RPS6KA5: variants seen among roughly 807,000 people sequenced by gnomAD.
RPS6KA5 encodes the protein ribosomal protein S6 kinase alpha-5.
In RPS6KA5, 27 loss-of-function variants were observed where a neutral mutation model predicts 85.5. That is an observed-to-expected ratio of 0.32 (90% confidence interval 0.23 to 0.44). The LOEUF (loss-of-function observed/expected upper bound fraction) is 0.44. Among genes scored for constraint, RPS6KA5 ranks in the 20% least tolerant of loss-of-function variants. The probability of loss-of-function intolerance (pLI) is 1.00; values close to 1 mark genes in which losing one functional copy is unlikely to be tolerated. For missense variants in RPS6KA5, 811 were observed against 980.9 expected (o/e 0.83, Z 2.31); for synonymous variants, 334 against 348.2 (o/e 0.96, Z 0.46).
chr14:90,921,803 A>G (rs1376023183), intron 6 of RPS6KA5, among the ~76,000 whole-genome samples: 4 of 152,218 alleles, frequency 2.6e-5, no homozygotes, highest in Admixed American at 6.5e-5. Context: ...TCTGAACTGC[A>G]TATGTGGGAC....
intron 1 of RPS6KA5, among the ~76,000 whole-genome samples, chr14:91,058,070 G>GGACCATATCA (rs2043396785): frequency 6.6e-6 from 1 of 152,160 alleles, no homozygotes; most frequent in African/African-American, 2.4e-5. Context: ...TTCTGAGACG[G>GGACCATATCA]GACCATATCA....
Position 90,875,181 on chromosome 14 carries a change from A to C in RPS6KA5, c.1996+20T>G. On this transcript the variant is annotated intron_variant, in intron 15 of 16. Coordinates refer to ENST00000614987, the MANE Select transcript of RPS6KA5 (RefSeq NM_004755.4). Reference sequence around the variant, plus strand: ...ATCACTACACATCATATAAAATGTAAAATTTCATTAGATTCTTACCTTGGA... The same window carrying C: ...ATCACTACACATCATATAAAATGTACAATTTCATTAGATTCTTACCTTGGA... 1 of 1,603,914 alleles carries C rather than the reference A, an allele frequency of 6.2e-7. No homozygotes were observed. The highest frequency in any genetic ancestry group is 1.1e-5 in the South Asian group (1 of 90,032).
At chr14:90,996,875 T>C (rs2040546470) in intron 2 of RPS6KA5, among the ~76,000 whole-genome samples, 1 of 152,210 alleles carries the variant, frequency 6.6e-6, no homozygotes, top group Non-Finnish European at 1.5e-5. Context: ...CAAAAATATT[T>C]GAGAAACTGC....
rs1215157122 is a variant in RPS6KA5, at chr14:90,863,327, A to G, written c.*8747T>C. 1 of 140,200 alleles carries G rather than the reference A, an allele frequency of 7.1e-6. No individual in the cohort carries two copies. Among genetic ancestry groups the G allele is most frequent in the Non-Finnish European group, 1.5e-5 (1 of 66,454 alleles). The allele number at this position is 140,200 out of a possible 1,614,324, so 8.7% of individuals were successfully genotyped here. On this transcript the variant is annotated 3_prime_UTR_variant, in exon 17 of 17. Coordinates refer to ENST00000614987, the MANE Select transcript of RPS6KA5 (RefSeq NM_004755.4). ...CAAAAAAAAAAAAAAAAAAAAAAAA[A>G]AAAGAAAAGAAAAGAAAAAAATATA... is the stretch of plus-strand genomic sequence containing the variant.
At chr14:90,952,702 T>C (rs559613473) in intron 3 of RPS6KA5, among the ~76,000 whole-genome samples, 42 of 152,378 alleles carry the variant, frequency 2.8e-4, no homozygotes, top group East Asian at 5.8e-4. Context: ...TGCAGTGCGA[T>C]TGGAATACTT....
chr14:90,877,232 C>A (rs565248590), intron 14 of RPS6KA5, among the ~76,000 whole-genome samples: 1 of 152,282 alleles, frequency 6.6e-6, no homozygotes, highest in South Asian at 2.1e-4. Context: ...AAATAGAAGA[C>A]ACGGAGAAGG....
At chr14:91,019,523 C>T (rs545001543) in intron 1 of RPS6KA5, among the ~76,000 whole-genome samples, 1 of 152,314 alleles carries the variant, frequency 6.6e-6, no homozygotes, top group East Asian at 1.9e-4. Flanking sequence ...TGCCTGGCCA[C>T]CATGCAGAGT....
intron 2 of RPS6KA5, 138 bp from the exon 3 acceptor site, chr14:90,978,662 T>C: frequency 4.9e-6 from 3 of 609,488 alleles, no homozygotes; most frequent in Non-Finnish European, 8.3e-6. Context: ...GTTCAAATAG[T>C]TATTTGATAG....
chr14:90,882,666 T>A (rs1349861767), intron 14 of RPS6KA5, among the ~76,000 whole-genome samples: 1 of 152,144 alleles, frequency 6.6e-6, no homozygotes, highest in Admixed American at 6.6e-5. Context: ...GGATTCTTGG[T>A]TGACAGTTTT....
At chr14:91,052,765 C>G (rs1411211199) in intron 1 of RPS6KA5, among the ~76,000 whole-genome samples, 1 of 146,740 alleles carries the variant, frequency 6.8e-6, no homozygotes, top group African/African-American at 2.5e-5. Context: ...ACCCAGGAGG[C>G]AGAGCTGGCA....
At chr14:90,978,926 T>C (rs1286078) in intron 2 of RPS6KA5, among the ~76,000 whole-genome samples, 31,638 of 152,098 alleles carry the variant, frequency 0.21, 3,513 homozygotes, top group East Asian at 0.32. Flanking sequence ...ATGAAGGCAG[T>C]TCTTAATAAG....
At chr14:91,042,941 T>C (rs1806398649) in intron 1 of RPS6KA5, among the ~76,000 whole-genome samples, 2 of 152,148 alleles carry the variant, frequency 1.3e-5, no homozygotes, top group South Asian at 4.1e-4. Flanking sequence ...CATATAGCTC[T>C]CTGGCTAAGT....
At chr14:90,973,598 G>A (rs542408692) in intron 3 of RPS6KA5, among the ~76,000 whole-genome samples, 1 of 151,850 alleles carries the variant, frequency 6.6e-6, no homozygotes, top group African/African-American at 2.4e-5. Context: ...AATAACCCAA[G>A]GATCCCTTCA....
At chr14:91,054,120 G>A (rs2139962328) in intron 1 of RPS6KA5, among the ~76,000 whole-genome samples, 1 of 152,202 alleles carries the variant, frequency 6.6e-6, no homozygotes, top group South Asian at 2.1e-4. Context: ...TAATGGTGCT[G>A]GAACAATTGG....
At chr14:91,003,024 A>C (rs1284525154) in intron 1 of RPS6KA5, among the ~76,000 whole-genome samples, 1 of 152,218 alleles carries the variant, frequency 6.6e-6, no homozygotes, top group African/African-American at 2.4e-5. Context: ...GATTTTATAA[A>C]AAGCCAAACT....
intron 5 of RPS6KA5, 36 bp downstream of exon 5, chr14:90,943,042 G>T: frequency 8.8e-7 from 1 of 1,133,184 alleles, no homozygotes; most frequent in Non-Finnish European, 1.3e-6. Context: ...TTGTTTACAT[G>T]CTGTTATTAC....
intron 8 of RPS6KA5, among the ~76,000 whole-genome samples, chr14:90,903,397 TA>T (rs1421499163): frequency 7.2e-5 from 11 of 152,366 alleles, no homozygotes; most frequent in Admixed American, 1.3e-4. Flanking sequence ...TCCTATTTTC[TA>T]GAGGCAGTGT....
Position 90,862,455 on chromosome 14 carries a change from CCTTCTT to C in RPS6KA5, c.*9613_*9618del, listed in dbSNP as rs200183961. The C allele has an allele frequency of 0.19, 28,762 of 150,386 alleles. 2,966 individuals carry two copies. Among genetic ancestry groups the C allele is most frequent in the Admixed American group, 0.26 (3,865 of 15,018 alleles). The allele number at this position is 150,386 out of a possible 1,614,324, so 9.3% of individuals were successfully genotyped here. ...TCTTCCTCCTCCTCCTCCTCCTCCTCCTTCTTCTTCTTCTTCTTCTTCTTTTTTTAA... is the reference window on the plus strand; with the variant it reads ...TCTTCCTCCTCCTCCTCCTCCTCCTCCTTCTTCTTCTTCTTCTTTTTTTAA... On this transcript the variant is annotated 3_prime_UTR_variant, in exon 17 of 17. Coordinates refer to ENST00000614987, the MANE Select transcript of RPS6KA5 (RefSeq NM_004755.4).
intron 5 of RPS6KA5, among the ~76,000 whole-genome samples, chr14:90,935,818 A>T (rs2037223360): frequency 6.6e-6 from 1 of 152,144 alleles, no homozygotes; most frequent in Non-Finnish European, 1.5e-5. Context: ...TGTTTTGAAA[A>T]TTTTCAAGCA....
Sources: allele counts gnomAD v4.1 joint callset (sites outside exome capture counted in the v4.1 genomes callset), GRCh38; gene constraint gnomAD v4.1.1; transcripts MANE v1.5; gene names NCBI Gene and HGNC (gene_info 2026-07-23, HGNC 2026-07-21).